Variants in BRD10 observed in about 807,000 individuals in gnomAD.
The protein encoded by BRD10 is uncharacterized bromodomain-containing protein 10.
the BRD10 span, among the ~76,000 whole-genome samples, chr9:5,983,885 T>G: frequency 6.6e-6 from 1 of 151,562 alleles, no homozygotes; most frequent in South Asian, 2.1e-4. Flanking sequence ...TAAAAAACTA[T>G]GCATAGTAAA....
At chr9:5,939,467 C>A in the BRD10 span, among the ~76,000 whole-genome samples, 1 of 152,084 alleles carries the variant, frequency 6.6e-6, no homozygotes, top group African/African-American at 2.4e-5. Flanking sequence ...AAGCTAAGGT[C>A]AAGAATCTTT....
At chr9:5,968,873 A>G in the BRD10 span, 2 of 1,613,282 alleles carry the variant, frequency 1.2e-6, no homozygotes, top group Non-Finnish European at 1.7e-6. Flanking sequence ...GCATTCATGG[A>G]TAGGCTGTCC....
the BRD10 span, among the ~76,000 whole-genome samples, chr9:5,970,822 G>A: frequency 2.6e-5 from 4 of 152,094 alleles, no homozygotes; most frequent in Middle Eastern, 0.01. Context: ...AGGCTGAGGC[G>A]AGTGGATCAT....
At chr9:5,882,976 A>C in the BRD10 span, among the ~76,000 whole-genome samples, 1 of 152,186 alleles carries the variant, frequency 6.6e-6, no homozygotes, top group East Asian at 1.9e-4. Context: ...ACTTGGACAC[A>C]GGAAGGGGAA....
the BRD10 span, among the ~76,000 whole-genome samples, chr9:5,935,144 G>A: frequency 1.4e-3 from 210 of 152,208 alleles, no homozygotes; most frequent in African/African-American, 4.9e-3. Context: ...ACTGACAGAA[G>A]CTCTAACATG....
the BRD10 span, among the ~76,000 whole-genome samples, chr9:5,903,889 G>A: frequency 2.7e-5 from 4 of 150,538 alleles, no homozygotes; most frequent in Admixed American, 1.3e-4. Flanking sequence ...ACAGAGTCTC[G>A]CTGTGTCACC....
the BRD10 span, among the ~76,000 whole-genome samples, chr9:5,958,402 C>T: frequency 6.6e-6 from 1 of 151,992 alleles, no homozygotes; most frequent in Non-Finnish European, 1.5e-5. Context: ...TTTCTTATTC[C>T]TCATTCTTTA....
the BRD10 span, among the ~76,000 whole-genome samples, chr9:5,897,060 T>C: frequency 6.6e-6 from 1 of 152,150 alleles, no homozygotes; most frequent in East Asian, 1.9e-4. Context: ...TCTGTGAAAA[T>C]AGGGGATGAT....
the BRD10 span, chr9:5,908,823 C>G: frequency 5.2e-6 from 5 of 953,438 alleles, no homozygotes; most frequent in African/African-American, 8.2e-5. Flanking sequence ...TGCAAGCCAT[C>G]TCTAATAATA....
At chr9:5,892,349 G>C in the BRD10 span, 2 of 707,068 alleles carry the variant, frequency 2.8e-6, no homozygotes, top group Non-Finnish European at 4.5e-6. Context: ...CCTGGCTATG[G>C]ATATTGGTCA....
At chr9:6,000,272 T>C in the BRD10 span, among the ~76,000 whole-genome samples, 1 of 152,132 alleles carries the variant, frequency 6.6e-6, no homozygotes, top group Admixed American at 6.5e-5. Context: ...TGGTGACAGA[T>C]ACTACCACTG....
chr9:5,969,055 G>T, the BRD10 span: 1 of 1,612,888 alleles, frequency 6.2e-7, no homozygotes, highest in East Asian at 2.2e-5. Context: ...TTTCAGCACA[G>T]TTATCAGGAT....
At chr9:5,926,402 G>A in the BRD10 span, among the ~76,000 whole-genome samples, 1 of 152,084 alleles carries the variant, frequency 6.6e-6, no homozygotes, top group African/African-American at 2.4e-5. Context: ...CCACCTCCCA[G>A]GATCAAGCAA....
At chr9:5,906,837 T>G in the BRD10 span, 8 of 1,236,382 alleles carry the variant, frequency 6.5e-6, no homozygotes, top group Admixed American at 2.1e-4. Flanking sequence ...CTTTAATGGA[T>G]TCAGTTACTT....
the BRD10 span, among the ~76,000 whole-genome samples, chr9:6,008,448 A>G: frequency 6.6e-6 from 1 of 151,784 alleles, no homozygotes; most frequent in Non-Finnish European, 1.5e-5. Context: ...GAAGCAAAGA[A>G]AGAGGCCCTG....
the BRD10 span, chr9:5,923,398 G>A: frequency 1.0e-6 from 1 of 998,052 alleles, no homozygotes; most frequent in Non-Finnish European, 1.5e-6. Flanking sequence ...GTCAATCTTT[G>A]AGCTGGCAGT....
chr9:5,989,012 TC>T, the BRD10 span, among the ~76,000 whole-genome samples: 1 of 151,886 alleles, frequency 6.6e-6, no homozygotes, highest in Non-Finnish European at 1.5e-5. Context: ...AGGCGAATCA[TC>T]TGAGGTCAGG....
the BRD10 span, chr9:5,906,854 A>C: frequency 7.3e-7 from 1 of 1,379,184 alleles, no homozygotes; most frequent in Non-Finnish European, 9.8e-7. Context: ...ACTTCTTCTC[A>C]CCCACTCACC....
the BRD10 span, chr9:5,881,711 A>G: frequency 6.6e-6 from 1 of 152,212 alleles, no homozygotes; most frequent in East Asian, 1.9e-4. Context: ...GGTGATGGTG[A>G]CTGGGTAGGG....
Sources: gnomAD v4.1 joint callset for allele counts (sites outside exome capture counted in the v4.1 genomes callset) on GRCh38, gnomAD v4.1.1 for gene constraint, MANE v1.5 for transcripts, NCBI Gene and HGNC (gene_info 2026-07-23, HGNC 2026-07-21) for gene names.